Variants in UNC5A observed in about 807,000 individuals in gnomAD.
The protein encoded by UNC5A is unc-5 netrin receptor A.
In UNC5A, 20 loss-of-function variants were observed where a neutral mutation model predicts 87.4. The observed-to-expected ratio is 0.23, with a 90% confidence interval of 0.16 to 0.33. The LOEUF is 0.33. UNC5A is among the 10% of genes least tolerant of loss of function. UNC5A has a pLI of 1.00. For missense variants in UNC5A, 844 were observed against 1,133.4 expected (o/e 0.74, Z 3.67); for synonymous variants, 438 against 482.3 (o/e 0.91, Z 1.20).
Position 176,877,712 on chromosome 5 carries a change from G to A in UNC5A, c.1635+9G>A, listed in dbSNP as rs377126119. The A allele has an allele frequency of 3.1e-6, 5 of 1,587,716 alleles. No homozygotes were observed. The highest frequency in any genetic ancestry group is 4.3e-6 in the Non-Finnish European group (5 of 1,164,440). Reference sequence around the variant, plus strand: ...GCGAGGGCAGCTGGGAGGTGAGCAGGGAACTGACCCGGGCTCCAGAAGGGA... The same window carrying A: ...GCGAGGGCAGCTGGGAGGTGAGCAGAGAACTGACCCGGGCTCCAGAAGGGA... On this transcript the variant is annotated intron_variant, in intron 10 of 14. Transcript: ENST00000329542.
intron 1 of UNC5A, among the ~76,000 whole-genome samples, chr5:176,825,557 A>G (rs1313099670): frequency 1.3e-5 from 2 of 152,224 alleles, no homozygotes; most frequent in Non-Finnish European, 2.9e-5. Context: ...TAGAAAAGGC[A>G]CAGGATGCAG....
Position 176,874,416 on chromosome 5 carries a change from C to T in UNC5A, c.1228C>T (p.Leu410=), listed in dbSNP as rs376333691. ...LSPLGGGRHT[L]HHSSPTSEAE... is the part of the protein sequence containing the mutation. ...CCCCCTGGGTGGCGGCCGCCACACACTGCACCACAGCTCTCCCACCTCTGA... is the reference window on the plus strand; with the variant it reads ...CCCCCTGGGTGGCGGCCGCCACACATTGCACCACAGCTCTCCCACCTCTGA... The change falls in exon 8 of 15, where the codon CTG becomes TTG. Residue 410 remains leucine (L), a synonymous_variant. Transcript: ENST00000329542. The surrounding 1 kb of genome is among the most constrained non-coding windows in gnomAD (Gnocchi z 7.6). 8.1e-6 allele frequency: 13 copies of T among 1,613,584 alleles called. No homozygotes were observed. Among genetic ancestry groups the T allele is most frequent in the African/African-American group, 2.7e-5 (2 of 74,938 alleles).
chr5:176,829,188 GGATGGAT>G (rs1756930369), intron 1 of UNC5A, among the ~76,000 whole-genome samples: 1 of 23,246 alleles, frequency 4.3e-5, no homozygotes, highest in African/African-American at 4.8e-5. Flanking sequence ...ATGGATGGAT[GGATGGAT>G]GGATGGATGG....
chr5:176,818,582 CAG>C (rs1756651866), intron 1 of UNC5A, among the ~76,000 whole-genome samples: 1 of 152,208 alleles, frequency 6.6e-6, no homozygotes, highest in South Asian at 2.1e-4. Flanking sequence ...GGACACATAT[CAG>C]GGGAGGTCAC....
intron 1 of UNC5A, among the ~76,000 whole-genome samples, chr5:176,830,558 C>G (rs1249767954): frequency 8.9e-5 from 4 of 45,046 alleles, no homozygotes; most frequent in South Asian, 2.9e-3. Flanking sequence ...GTGCATGTGT[C>G]CTGGTGTGTG....
intron 2 of UNC5A, among the ~76,000 whole-genome samples, chr5:176,863,182 G>A (rs1203794372): frequency 6.6e-6 from 1 of 152,256 alleles, no homozygotes; most frequent in African/African-American, 2.4e-5. Context: ...AGACAGCGGG[G>A]TGACCTCTCA....
chr5:176,831,883 C>CTTTTTT lies in UNC5A; in HGVS notation c.70+21064_70+21065insTTTTTT, dbSNP rs1285414321. Among the ~76,000 whole-genome samples, 37 of 115,312 alleles carry CTTTTTT rather than the reference C, an allele frequency of 3.2e-4. 1 individual carries two copies. The highest frequency in any genetic ancestry group is 1.4e-3 in the African/African-American group (37 of 27,290). 75.6% of individuals were successfully genotyped at this position (115,312 alleles called of 152,430 possible). On this transcript the variant is annotated intron_variant, in intron 1 of 14. Coordinates refer to ENST00000329542, the MANE Select transcript of UNC5A (RefSeq NM_133369.3). ...TTTCACTTTCACACACTTTCTCTCT[C>CTTTTTT]TCTTTTTTTTTTTTTTTTTTTTTTT...
rs1257155437 is a variant in UNC5A, at chr5:176,848,322, CAG to C, written c.71-14301_71-14300del. ...TGCAGGGATCTGAGGCCCTGGGACT[CAG>C]GGCCCAGACAGGGCAGCGGCTCATC... On this transcript the variant is annotated intron_variant, in intron 1 of 14. Transcript: ENST00000329542. The surrounding 1 kb of genome is among the most constrained non-coding windows in gnomAD (Gnocchi z 5.8). 1.3e-5 allele frequency among the ~76,000 whole-genome samples: 2 copies of C among 152,162 alleles called. No individual in the cohort carries two copies. Among genetic ancestry groups the C allele is most frequent in the Non-Finnish European group, 2.9e-5 (2 of 68,020 alleles).
At chr5:176,811,362 C>T (rs1338235410) in intron 1 of UNC5A, among the ~76,000 whole-genome samples, 1 of 152,256 alleles carries the variant, frequency 6.6e-6, no homozygotes, top group Non-Finnish European at 1.5e-5. Flanking sequence ...CGCACACACT[C>T]AGGCGTGGAG....
rs147501258 is a variant in UNC5A, at chr5:176,866,000, G to A, written c.293-2130G>A. 9.1e-4 allele frequency among the ~76,000 whole-genome samples: 138 copies of A among 152,342 alleles called. No individual in the cohort carries two copies. The highest frequency in any genetic ancestry group is 1.7e-3 in the Non-Finnish European group (118 of 68,020). On this transcript the variant is annotated intron_variant, in intron 2 of 14. Coordinates refer to ENST00000329542, the MANE Select transcript of UNC5A (RefSeq NM_133369.3). The surrounding 1 kb of genome is among the most constrained non-coding windows in gnomAD (Gnocchi z 5.3). ...AAACAAACTGATTGGTTATTAGATT[G>A]TTTAGAAGCAGATTGCTGAGAAGGT...
In UNC5A at chr5:176,865,848, G is replaced by A; in HGVS notation, c.293-2282G>A. ...CTCGTTTGCCCTCATTCCTCACCCA[G>A]AAGGCCAGGGGGCAGGGACCAAGGC... On this transcript the variant is annotated intron_variant, in intron 2 of 14. Transcript: ENST00000329542. The surrounding 1 kb of genome is among the most constrained non-coding windows in gnomAD (Gnocchi z 5.3). 2.8e-5 allele frequency: 10 copies of A among 355,234 alleles called. 1 individual carries two copies. Among genetic ancestry groups the A allele is most frequent in the South Asian group, 2.1e-4 (10 of 48,112 alleles). The allele number at this position is 355,234 out of a possible 1,614,324, so 22.0% of individuals were successfully genotyped here. A position where few individuals can be genotyped will look rare whatever the true frequency, so the allele number is the denominator to read the frequency against.
In UNC5A at chr5:176,841,868, T is replaced by C. The variant is rs111354128; in HGVS notation, c.71-20756T>C. Among the ~76,000 whole-genome samples, 2,627 of 152,264 alleles carry C rather than the reference T, an allele frequency of 0.017. 55 individuals carry two copies. Among genetic ancestry groups the C allele is most frequent in the African/African-American group, 0.052 (2,162 of 41,526 alleles). On this transcript the variant is annotated intron_variant, in intron 1 of 14. Coordinates refer to ENST00000329542, the MANE Select transcript of UNC5A (RefSeq NM_133369.3). This position sits in a 1 kb window ranked among gnomAD's most constrained non-coding sequence, Gnocchi z 4.1. ...AGGGAAATGCAAGTCAAAACCACAA[T>C]GCGATACCACCTTACTCCTGCAAGA...
chr5:176,837,301 T>G (rs1392092232), intron 1 of UNC5A, among the ~76,000 whole-genome samples: 1 of 152,202 alleles, frequency 6.6e-6, no homozygotes. Context: ...CACAGGCACC[T>G]TGCCTGGCAG....
intron 6 of UNC5A, 100 bp downstream of exon 6, chr5:176,870,634 G>A: frequency 7.4e-7 from 1 of 1,350,920 alleles, no homozygotes; most frequent in African/African-American, 1.5e-5. Context: ...CCTGCCAAAG[G>A]CTGTAGCCTC....
Position 176,869,579 on chromosome 5 carries a change from C to G in UNC5A, c.721+615C>G, listed in dbSNP as rs546397612. ...GGGCCAGTGTATCTGAGGACGCCCCCGCTCCCTGACCCCAGTCCTTCTCTG... is the reference window on the plus strand; with the variant it reads ...GGGCCAGTGTATCTGAGGACGCCCCGGCTCCCTGACCCCAGTCCTTCTCTG... On this transcript the variant is annotated intron_variant, in intron 5 of 14. Coordinates refer to ENST00000329542, the MANE Select transcript of UNC5A (RefSeq NM_133369.3). This position sits in a 1 kb window ranked among gnomAD's most constrained non-coding sequence, Gnocchi z 9.1. 1.5e-6 allele frequency: 1 copy of G among 685,644 alleles called. No homozygotes were observed. Among genetic ancestry groups the G allele is most frequent in the Non-Finnish European group, 2.7e-6 (1 of 375,096 alleles). The allele number at this position is 685,644 out of a possible 1,614,324, so 42.5% of individuals were successfully genotyped here. A position where few individuals can be genotyped will look rare whatever the true frequency, so the allele number is the denominator to read the frequency against.
intron 5 of UNC5A, among the ~76,000 whole-genome samples, chr5:176,870,165 C>G (rs1758074689): frequency 6.6e-6 from 1 of 152,190 alleles, no homozygotes. Flanking sequence ...TGGCGTCATC[C>G]GCGCCTCCCT....
intron 1 of UNC5A, among the ~76,000 whole-genome samples, chr5:176,837,168 G>T (rs962674994): frequency 6.6e-6 from 1 of 152,012 alleles, no homozygotes; most frequent in African/African-American, 2.4e-5. Flanking sequence ...CCATGCTGTG[G>T]AGTTCCCCAG....
chr5:176,860,688 C>T (rs912316567), intron 1 of UNC5A, among the ~76,000 whole-genome samples: 2 of 152,228 alleles, frequency 1.3e-5, no homozygotes, highest in African/African-American at 4.8e-5. Flanking sequence ...ACTTCCTGAG[C>T]CTACGACAGA....
intron 2 of UNC5A, among the ~76,000 whole-genome samples, chr5:176,867,034 C>CA (rs1207205166): frequency 6.6e-6 from 1 of 152,210 alleles, no homozygotes; most frequent in Non-Finnish European, 1.5e-5. Context: ...AAGAGGGAAA[C>CA]AGCCTCCCAG....
Sources: allele counts gnomAD v4.1 joint callset (sites outside exome capture counted in the v4.1 genomes callset), GRCh38; gene constraint gnomAD v4.1.1; non-coding constraint Gnocchi (gnomAD v3.1); transcripts MANE v1.5; gene names NCBI Gene and HGNC (gene_info 2026-07-23, HGNC 2026-07-21).